PLXDC2: variants seen among roughly 807,000 people sequenced by gnomAD.
PLXDC2 encodes the protein plexin domain containing 2, also known as plexin domain-containing protein 2.
A neutral mutation model predicts 68.9 loss-of-function variants in PLXDC2; 40 were observed. That is an observed-to-expected ratio of 0.58 (90% CI 0.45 to 0.76). PLXDC2 has a LOEUF of 0.76. Among genes scored for constraint, PLXDC2 ranks in the 30% least tolerant of loss-of-function variants. The pLI, the probability that PLXDC2 is intolerant of heterozygous loss-of-function variation, is 0.00. For synonymous variants in PLXDC2, 243 were observed against 234.2 expected (o/e 1.04, Z -0.34); for missense variants, 644 against 661.9 (o/e 0.97, Z 0.30).
chr10:20,271,609 A>T (rs1835941563), intron 13 of PLXDC2, among the ~76,000 whole-genome samples: 1 of 152,160 alleles, frequency 6.6e-6, no homozygotes, highest in African/African-American at 2.4e-5. Flanking sequence ...TATAGAAGAT[A>T]AGGATCTGTG....
intron 1 of PLXDC2, among the ~76,000 whole-genome samples, chr10:19,882,608 C>T (rs1044941480): frequency 2.6e-5 from 4 of 152,068 alleles, no homozygotes; most frequent in South Asian, 2.1e-4. Flanking sequence ...AGAGCTAAAT[C>T]GATGAATCAA....
At chr10:20,226,671 C>T (rs778700473) in intron 12 of PLXDC2, among the ~76,000 whole-genome samples, 1 of 152,220 alleles carries the variant, frequency 6.6e-6, no homozygotes, top group Non-Finnish European at 1.5e-5. Flanking sequence ...TTTATGCTGC[C>T]GATAGGACAC....
In PLXDC2 at chr10:20,233,313, G is replaced by C. The variant is rs147317260; in HGVS notation, c.1313-12032G>C. Among the ~76,000 whole-genome samples, 533 of 151,794 alleles carry C rather than the reference G, an allele frequency of 3.5e-3. 2 individuals are homozygous for C. Among genetic ancestry groups the C allele is most frequent in the African/African-American group, 0.012 (498 of 41,366 alleles). ...AGCTGAGGCGAGAGGATCAGTTGAG[G>C]CCAGGAGTTTGAGACCAGCCTGGGC... On this transcript the variant is annotated intron_variant, in intron 12 of 13. Transcript: ENST00000377252.
At chr10:20,111,368 C>T (rs1350814180) in intron 4 of PLXDC2, among the ~76,000 whole-genome samples, 1 of 152,140 alleles carries the variant, frequency 6.6e-6, no homozygotes, top group African/African-American at 2.4e-5. Flanking sequence ...TTTACACACA[C>T]CAGCAACTAA....
At chr10:19,884,430 GA>G (rs1304851699) in intron 1 of PLXDC2, among the ~76,000 whole-genome samples, 1 of 151,976 alleles carries the variant, frequency 6.6e-6, no homozygotes, top group African/African-American at 2.4e-5. Context: ...GTATACATGT[GA>G]CATGCTGGTG....
chr10:20,037,744 C>T (rs1294664852), intron 2 of PLXDC2, among the ~76,000 whole-genome samples: 1 of 152,108 alleles, frequency 6.6e-6, no homozygotes, highest in African/African-American at 2.4e-5. Flanking sequence ...GGGTATTGTG[C>T]TTTCATGGCC....
intron 1 of PLXDC2, among the ~76,000 whole-genome samples, chr10:19,858,803 G>T (rs1837264674): frequency 6.6e-6 from 1 of 152,100 alleles, no homozygotes; most frequent in African/African-American, 2.4e-5. Flanking sequence ...GACTGGTAAA[G>T]AGAAGGCTGA....
intron 12 of PLXDC2, among the ~76,000 whole-genome samples, chr10:20,231,837 G>GA (rs1835368964): frequency 6.6e-6 from 1 of 151,866 alleles, no homozygotes; most frequent in Admixed American, 6.6e-5. Flanking sequence ...CTAACATAGC[G>GA]AGACTCTGTC....
chr10:19,897,825 AT>A, intron 1 of PLXDC2, among the ~76,000 whole-genome samples: 1 of 152,184 alleles, frequency 6.6e-6, no homozygotes, highest in South Asian at 2.1e-4. Context: ...ATGTGGGATT[AT>A]ATATGATAAT....
chr10:19,992,553 A>G (rs139490508), intron 1 of PLXDC2, among the ~76,000 whole-genome samples: 191 of 152,298 alleles, frequency 1.3e-3, no homozygotes, highest in African/African-American at 3.6e-3. Flanking sequence ...AGAGATTATC[A>G]TTATCACAGT....
At chr10:19,828,612 C>G (rs770351479) in intron 1 of PLXDC2, among the ~76,000 whole-genome samples, 1 of 152,172 alleles carries the variant, frequency 6.6e-6, no homozygotes, top group African/African-American at 2.4e-5. Flanking sequence ...TTTTTAAAAA[C>G]AAGCAAGATT....
chr10:20,162,073 A>AGAGAG (rs1265947258), intron 6 of PLXDC2, among the ~76,000 whole-genome samples: 1 of 59,016 alleles, frequency 1.7e-5, no homozygotes, highest in African/African-American at 6.1e-5. Context: ...AGAGAGAGAG[A>AGAGAG]AGGAAGGAAG....
intron 13 of PLXDC2, among the ~76,000 whole-genome samples, chr10:20,265,971 C>T (rs1401634426): frequency 6.6e-6 from 1 of 151,908 alleles, no homozygotes; most frequent in Non-Finnish European, 1.5e-5. Context: ...AACTGGGATC[C>T]ACACATGGAA....
At chr10:20,214,928 ACACCTGGT>A (rs1006979701) in intron 10 of PLXDC2, among the ~76,000 whole-genome samples, 15 of 152,320 alleles carry the variant, frequency 9.8e-5, no homozygotes, top group African/African-American at 3.4e-4. Context: ...TCACATGCAG[ACACCTGGT>A]CAATAGATGA....
intron 12 of PLXDC2, among the ~76,000 whole-genome samples, chr10:20,230,704 A>AAAAAAAAAAAAAAAC (rs1422236363): frequency 6.7e-6 from 1 of 149,242 alleles, no homozygotes; most frequent in Non-Finnish European, 1.5e-5. Flanking sequence ...AAAAAAAAAA[A>AAAAAAAAAAAAAAAC]AAAAAAAAAA....
At chr10:20,224,593 C>G (rs971665739) in intron 12 of PLXDC2, among the ~76,000 whole-genome samples, 1 of 152,104 alleles carries the variant, frequency 6.6e-6, no homozygotes, top group East Asian at 1.9e-4. Flanking sequence ...CAAGTTGAAT[C>G]AATGGCAGGA....
chr10:20,043,625 T>C (rs1286291484), intron 2 of PLXDC2, among the ~76,000 whole-genome samples: 7 of 152,128 alleles, frequency 4.6e-5, no homozygotes. Flanking sequence ...AGGGAAATTT[T>C]GCAGCATCAT....
At position 20,286,167 on chromosome 10, in the gene PLXDC2, G is replaced by A. The variant is rs1836150437; in HGVS notation, c.*6348G>A. On this transcript the variant is annotated 3_prime_UTR_variant, in exon 14 of 14. Transcript: ENST00000377252. ...GAGTGACCAAATTTTGCCTGGAGGAGCAAAATGCTCAAAACTTGTTATTAT... is the reference window on the plus strand; with the variant it reads ...GAGTGACCAAATTTTGCCTGGAGGAACAAAATGCTCAAAACTTGTTATTAT... 1 of 152,098 alleles carries A rather than the reference G, an allele frequency of 6.6e-6. No individual in the cohort carries two copies. Among genetic ancestry groups the A allele is most frequent in the South Asian group, 2.1e-4 (1 of 4,822 alleles). The allele number at this position is 152,098 out of a possible 1,614,324, so 9.4% of individuals were successfully genotyped here. A position where few individuals can be genotyped will look rare whatever the true frequency, so the allele number is the denominator to read the frequency against.
intron 1 of PLXDC2, among the ~76,000 whole-genome samples, chr10:19,944,980 A>C (rs374508127): frequency 3.3e-5 from 5 of 152,064 alleles, no homozygotes; most frequent in Non-Finnish European, 7.4e-5. Context: ...ACAAAAAAAG[A>C]AACAGAAGCA....
Sources: allele counts gnomAD v4.1 joint callset (sites outside exome capture counted in the v4.1 genomes callset), GRCh38; gene constraint gnomAD v4.1.1; transcripts MANE v1.5; gene names NCBI Gene and HGNC (gene_info 2026-07-23, HGNC 2026-07-21).